The following PCSK5 variants were observed in gnomAD, a reference collection of about 807,000 sequenced individuals.
The protein encoded by PCSK5 is prohormone convertase 5.
In PCSK5, 129 loss-of-function variants were observed where a neutral mutation model predicts 233.2. The ratio of observed to expected loss-of-function variants is 0.55; its 90% CI spans 0.48 to 0.64. The LOEUF is 0.64. PCSK5 is among the 30% of genes least tolerant of loss of function. PCSK5 has a pLI of 0.00. For synonymous variants in PCSK5, 825 were observed against 879.2 expected, an observed-to-expected ratio of 0.94 and a Z score of 1.09; for missense variants, 2,076 against 2,430.1, an observed-to-expected ratio of 0.85 and a Z score of 3.06.
chr9:76,243,434 C>T lies in PCSK5; in HGVS notation c.3142+2750C>T, dbSNP rs111948938. On this transcript the variant is annotated intron_variant, in intron 24 of 37. Transcript: ENST00000674117. ...GCAGTGACACCACCAGAAAGGGTGA[C>T]AAGACCATTCTAAATACCTCTAATT... Among the ~76,000 whole-genome samples the T allele has an allele frequency of 8.2e-3, 1,250 of 152,286 alleles. 48 individuals are homozygous for T. The South Asian group carries it at 0.12, about 15-fold the overall frequency.
At chr9:76,144,609 G>T (rs907938649) in intron 10 of PCSK5, among the ~76,000 whole-genome samples, 5 of 152,148 alleles carry the variant, frequency 3.3e-5, no homozygotes, top group Admixed American at 1.3e-4. Flanking sequence ...AAGGAAAGAG[G>T]TACCTTTCTC....
intron 7 of PCSK5, among the ~76,000 whole-genome samples, chr9:76,092,394 G>T (rs1316522083): frequency 1.3e-5 from 2 of 151,958 alleles, no homozygotes; most frequent in African/African-American, 2.4e-5. Context: ...TTCTTTTTTT[G>T]TTTGTTTGTT....
intron 1 of PCSK5, among the ~76,000 whole-genome samples, chr9:75,928,369 G>A (rs1241523317): frequency 6.6e-6 from 1 of 151,720 alleles, no homozygotes; most frequent in Non-Finnish European, 1.5e-5. Context: ...CATTACCCCA[G>A]AGAAGCTAGA....
At chr9:75,960,570 A>G (rs1050877419) in intron 2 of PCSK5, among the ~76,000 whole-genome samples, 5 of 152,364 alleles carry the variant, frequency 3.3e-5, no homozygotes, top group Admixed American at 2.6e-4. Context: ...GAAATTTAAG[A>G]CGCCAAAGAT....
At chr9:75,949,144 C>G (rs916069177) in intron 2 of PCSK5, among the ~76,000 whole-genome samples, 1 of 150,546 alleles carries the variant, frequency 6.6e-6, no homozygotes, top group African/African-American at 2.5e-5. Flanking sequence ...TCAGATATGT[C>G]AAGGGACATA....
At chr9:76,145,319 T>G (rs1823400165) in intron 10 of PCSK5, among the ~76,000 whole-genome samples, 1 of 152,214 alleles carries the variant, frequency 6.6e-6, no homozygotes, top group African/African-American at 2.4e-5. Context: ...AATGTATGAT[T>G]CTTTCATTTG....
At chr9:76,064,367 C>T (rs1830181262) in intron 5 of PCSK5, among the ~76,000 whole-genome samples, 1 of 121,486 alleles carries the variant, frequency 8.2e-6, no homozygotes, top group Non-Finnish European at 1.7e-5. Context: ...GGGCTGACCC[C>T]CCCACCTCCC....
chr9:76,237,827 T>C (rs1386136436), intron 22 of PCSK5, among the ~76,000 whole-genome samples: 1 of 152,214 alleles, frequency 6.6e-6, no homozygotes, highest in African/African-American at 2.4e-5. Context: ...AGAAATATTA[T>C]GATAAATGAT....
At chr9:75,908,909 A>G (rs1023018657) in intron 1 of PCSK5, among the ~76,000 whole-genome samples, 1 of 127,794 alleles carries the variant, frequency 7.8e-6, no homozygotes, top group Admixed American at 8.7e-5. Flanking sequence ...CTATCTATCT[A>G]TCTATCTATC....
chr9:76,021,755 T>C (rs1828200728), intron 3 of PCSK5, among the ~76,000 whole-genome samples: 2 of 152,172 alleles, frequency 1.3e-5, no homozygotes, highest in African/African-American at 4.8e-5. Context: ...TTCGGAGGCA[T>C]TGGAGGCACC....
intron 10 of PCSK5, among the ~76,000 whole-genome samples, chr9:76,144,506 G>A (rs1823362834): frequency 6.6e-6 from 1 of 152,328 alleles, no homozygotes; most frequent in Admixed American, 6.5e-5. Flanking sequence ...GCACAAGGGA[G>A]CCAAACTAAA....
intron 24 of PCSK5, among the ~76,000 whole-genome samples, chr9:76,276,410 C>T (rs915168457): frequency 2.6e-5 from 4 of 152,098 alleles, no homozygotes; most frequent in African/African-American, 2.4e-5. Flanking sequence ...TCATGCCCTC[C>T]CATTACTCTT....
chr9:76,194,603 G>GT (rs201037106), intron 20 of PCSK5: 48,500 of 278,848 alleles, frequency 0.17, 1,247 homozygotes, highest in South Asian at 0.21. Flanking sequence ...GTTTTTTGGG[G>GT]TTTTTTTTTT....
chr9:76,063,262 G>C (rs984221838), intron 5 of PCSK5, among the ~76,000 whole-genome samples: 1 of 143,940 alleles, frequency 6.9e-6, no homozygotes, highest in Non-Finnish European at 1.5e-5. Flanking sequence ...AGCCTCCTGA[G>C]TATGTAGGAC....
intron 9 of PCSK5, among the ~76,000 whole-genome samples, chr9:76,112,355 A>G (rs1181717597): frequency 6.6e-6 from 1 of 152,202 alleles, no homozygotes; most frequent in Non-Finnish European, 1.5e-5. Context: ...CTCAGAGGCC[A>G]CAAGAATACC....
intron 5 of PCSK5, among the ~76,000 whole-genome samples, chr9:76,046,155 CTTTTGTTTTTTTTTTTTTTTTTTT>C (rs1829366430): frequency 1.8e-5 from 1 of 55,702 alleles, no homozygotes; most frequent in African/African-American, 5.2e-5. Context: ...ATAATTTTTT[CTTTTGTTTTTTTTTTTTTTTTTTT>C]TTTTTTTTTT....
chr9:76,189,496 C>A, intron 19 of PCSK5, 135 bp from the exon 20 acceptor site: 1 of 666,080 alleles, frequency 1.5e-6, no homozygotes, highest in Non-Finnish European at 2.6e-6. Flanking sequence ...CCTAACCTAG[C>A]AATTGTTGTG....
intron 5 of PCSK5, among the ~76,000 whole-genome samples, chr9:76,037,928 G>C (rs1171212527): frequency 2.0e-5 from 3 of 152,166 alleles, no homozygotes; most frequent in Non-Finnish European, 4.4e-5. Context: ...TTTTAGAAAA[G>C]AGTGACCTTT....
rs368269146 is a variant in PCSK5 at position 75,961,560 on chromosome 9, CACTTG to C, written c.298-24567_298-24563del. On this transcript the variant is annotated intron_variant, in intron 2 of 37. Transcript: ENST00000674117. ...CTTTAAATTCAAATTTTACAACTGA[CACTTG>C]ACTTATTAGAACATGTTTAAGTATG... Among the ~76,000 whole-genome samples, 267 of 152,222 alleles carry C rather than the reference CACTTG, an allele frequency of 1.8e-3. 1 individual carries two copies. Among genetic ancestry groups the C allele is most frequent in the African/African-American group, 5.3e-3 (222 of 41,530 alleles).
Sources: gnomAD v4.1 joint callset for allele counts (sites outside exome capture counted in the v4.1 genomes callset) on GRCh38, gnomAD v4.1.1 for gene constraint, MANE v1.5 for transcripts, NCBI Gene and HGNC (gene_info 2026-07-23, HGNC 2026-07-21) for gene names.